Variants in TNFRSF19 observed in about 807,000 individuals in gnomAD.
TNFRSF19 encodes the protein TNF receptor superfamily member 19.
A neutral mutation model predicts 46.4 loss-of-function variants in TNFRSF19; 27 were observed. The ratio of observed to expected loss-of-function variants is 0.58; its 90% CI spans 0.43 to 0.80. The LOEUF is 0.80. Ranked by LOEUF, TNFRSF19 falls within the 30% of genes least tolerant of loss-of-function variation. TNFRSF19 has a pLI of 0.00. For missense variants in TNFRSF19, 511 were observed against 530.8 expected (o/e 0.96, Z 0.37); for synonymous variants, 204 against 205.0 (o/e 1.00, Z 0.04).
chr13:23,638,894 T>C (rs1265164841), intron 5 of TNFRSF19, among the ~76,000 whole-genome samples: 1 of 152,208 alleles, frequency 6.6e-6, no homozygotes, highest in African/African-American at 2.4e-5. Context: ...ATGCCAACAT[T>C]TCTGCTGGTC....
intron 3 of TNFRSF19, among the ~76,000 whole-genome samples, chr13:23,602,035 C>T (rs1880197453): frequency 6.6e-6 from 1 of 152,110 alleles, no homozygotes; most frequent in Non-Finnish European, 1.5e-5. Flanking sequence ...TATCAATAAT[C>T]ATTTTCAGTG....
intron 3 of TNFRSF19, among the ~76,000 whole-genome samples, chr13:23,608,213 C>G (rs1373088664): frequency 6.6e-6 from 1 of 152,124 alleles, no homozygotes; most frequent in Admixed American, 6.5e-5. Context: ...CTTCCTTGGC[C>G]ACTTTTAAAA....
intron 5 of TNFRSF19, among the ~76,000 whole-genome samples, chr13:23,650,796 C>T (rs1051415495): frequency 1.3e-5 from 2 of 152,034 alleles, no homozygotes; most frequent in Non-Finnish European, 2.9e-5. Flanking sequence ...GCAAACAGAA[C>T]AAGCTTTTTT....
chr13:23,587,072 A>T (rs1316261236), intron 1 of TNFRSF19, among the ~76,000 whole-genome samples: 1 of 152,112 alleles, frequency 6.6e-6, no homozygotes, highest in African/African-American at 2.4e-5. Flanking sequence ...ACATAATCTC[A>T]GTTATTTGTA....
At chr13:23,661,515 G>C (rs1019693676) in intron 7 of TNFRSF19, among the ~76,000 whole-genome samples, 2 of 152,172 alleles carry the variant, frequency 1.3e-5, no homozygotes, top group African/African-American at 4.8e-5. Flanking sequence ...ATGTGCATGT[G>C]TCTTTATGGT....
chr13:23,625,478 G>A (rs1336861401), intron 4 of TNFRSF19, among the ~76,000 whole-genome samples: 13 of 151,590 alleles, frequency 8.6e-5, no homozygotes, highest in African/African-American at 2.7e-4. Context: ...ACAGGCGCCC[G>A]CCACCACGCC....
intron 8 of TNFRSF19, 98 bp downstream of exon 8, chr13:23,668,180 C>T (rs572171991): frequency 2.8e-6 from 3 of 1,088,670 alleles, no homozygotes; most frequent in African/African-American, 3.2e-5. Flanking sequence ...GAAACATCAC[C>T]TCTTAAATAT....
At chr13:23,620,947 CT>C (rs1335071568) in intron 4 of TNFRSF19, among the ~76,000 whole-genome samples, 1 of 152,194 alleles carries the variant, frequency 6.6e-6, no homozygotes, top group Non-Finnish European at 1.5e-5. Flanking sequence ...AAGAGGGAAA[CT>C]GGTTCTCAGA....
At chr13:23,641,963 A>C (rs960233061) in intron 5 of TNFRSF19, among the ~76,000 whole-genome samples, 1 of 152,204 alleles carries the variant, frequency 6.6e-6, no homozygotes, top group African/African-American at 2.4e-5. Context: ...CATAAAGCCT[A>C]TTTTATTAGA....
chr13:23,600,419 G>C (rs1880051205), intron 3 of TNFRSF19, among the ~76,000 whole-genome samples: 1 of 152,164 alleles, frequency 6.6e-6, no homozygotes, highest in Non-Finnish European at 1.5e-5. Context: ...AAGTCTGAGA[G>C]TTAAAACTCC....
intron 5 of TNFRSF19, among the ~76,000 whole-genome samples, chr13:23,628,368 C>T (rs1417954525): frequency 6.6e-6 from 1 of 152,200 alleles, no homozygotes; most frequent in African/African-American, 2.4e-5. Context: ...TATGCCACGA[C>T]ACAACCCATC....
At chr13:23,617,898 G>T (rs1416542022) in intron 4 of TNFRSF19, among the ~76,000 whole-genome samples, 1 of 152,180 alleles carries the variant, frequency 6.6e-6, no homozygotes, top group African/African-American at 2.4e-5. Flanking sequence ...AGGCACTACA[G>T]ACAAAAGACT....
chr13:23,586,840 A>G (rs1034798399), intron 1 of TNFRSF19, among the ~76,000 whole-genome samples: 1 of 152,006 alleles, frequency 6.6e-6, no homozygotes. Context: ...CAAGCTGCGT[A>G]TTGTTGTTGA....
chr13:23,630,667 C>G (rs1882300049), intron 5 of TNFRSF19, among the ~76,000 whole-genome samples: 1 of 152,200 alleles, frequency 6.6e-6, no homozygotes, highest in Non-Finnish European at 1.5e-5. Context: ...AACTTCAGTT[C>G]CTAATCACCT....
chr13:23,659,008 G>T lies in TNFRSF19; in HGVS notation c.446-42G>T. ...CAGCTTCGCCATAAACACTGCATCT[G>T]CAGTTGTTCAGAGCATGCTGACCCC... On this transcript the variant is annotated intron_variant, in intron 5 of 9. Transcript: ENST00000248484. This position sits in a 1 kb window ranked among gnomAD's most constrained non-coding sequence, Gnocchi z 4.9. The T allele has an allele frequency of 6.2e-7, 1 of 1,611,104 alleles. No homozygotes were observed. Among genetic ancestry groups the T allele is most frequent in the Non-Finnish European group, 8.5e-7 (1 of 1,179,838 alleles).
chr13:23,594,417 G>C, intron 3 of TNFRSF19: 1 of 324,080 alleles, frequency 3.1e-6, no homozygotes, highest in Middle Eastern at 1.2e-3. Flanking sequence ...GCATGGTGAG[G>C]GGAGGGGCGT....
chr13:23,631,316 G>A (rs1230245040), intron 5 of TNFRSF19, among the ~76,000 whole-genome samples: 2 of 152,146 alleles, frequency 1.3e-5, no homozygotes, highest in African/African-American at 4.8e-5. Flanking sequence ...TTTCTTTTCA[G>A]TCTTTTTTCT....
chr13:23,644,238 A>T (rs1452485711), intron 5 of TNFRSF19, among the ~76,000 whole-genome samples: 3 of 152,208 alleles, frequency 2.0e-5, no homozygotes, highest in Non-Finnish European at 2.9e-5. Flanking sequence ...CCTCAGTTTC[A>T]TATGGTTTGG....
At chr13:23,638,488 T>A (rs1882836176) in intron 5 of TNFRSF19, among the ~76,000 whole-genome samples, 1 of 152,082 alleles carries the variant, frequency 6.6e-6, no homozygotes, top group South Asian at 2.1e-4. Flanking sequence ...GGTCATTGCT[T>A]TTTCGGTCTT....
Sources: gnomAD v4.1 joint callset for allele counts (sites outside exome capture counted in the v4.1 genomes callset) on GRCh38, gnomAD v4.1.1 for gene constraint, Gnocchi (gnomAD v3.1) non-coding constraint, MANE v1.5 for transcripts, NCBI Gene and HGNC (gene_info 2026-07-23, HGNC 2026-07-21) for gene names.